The following PCDHA4 variants were observed in gnomAD, a reference collection of about 807,000 sequenced individuals.
PCDHA4 encodes protocadherin alpha 4.
PCDHA4 carries 49 observed loss-of-function variants against 61.4 expected under a neutral mutation model. That is an observed-to-expected ratio of 0.80 (90% CI 0.63 to 1.01). The LOEUF is 1.01. Among genes scored for constraint, PCDHA4 ranks in the 50% least tolerant of loss-of-function variants. The pLI is 0.00. For missense variants in PCDHA4, 1,254 were observed against 1,235.8 expected (o/e 1.01, Z -0.22); for synonymous variants, 590 against 550.3 (o/e 1.07, Z -1.01).
At chr5:140,962,564 G>A (rs1224952009) in intron 1 of PCDHA4, among the ~76,000 whole-genome samples, 2 of 152,124 alleles carry the variant, frequency 1.3e-5, no homozygotes, top group Non-Finnish European at 2.9e-5. Context: ...CCCCCTAAAA[G>A]CCAATTGTTA....
intron 1 of PCDHA4, among the ~76,000 whole-genome samples, chr5:140,919,151 G>A (rs1246862771): frequency 2.6e-5 from 4 of 152,122 alleles, no homozygotes; most frequent in African/African-American, 9.7e-5. Flanking sequence ...ATTATTAGAT[G>A]CAAGTATGTT....
chr5:140,880,327 T>C (rs2058305796), intron 1 of PCDHA4, among the ~76,000 whole-genome samples: 1 of 152,118 alleles, frequency 6.6e-6, no homozygotes, highest in African/African-American at 2.4e-5. Context: ...AATAAGATAC[T>C]AAAAATAAGA....
chr5:140,910,022 C>G (rs2074840302), intron 1 of PCDHA4, among the ~76,000 whole-genome samples: 1 of 152,174 alleles, frequency 6.6e-6, no homozygotes, highest in South Asian at 2.1e-4. Context: ...CCTTGTATCC[C>G]TGGGATAAAT....
intron 1 of PCDHA4, chr5:140,824,305 A>T: frequency 1.2e-6 from 1 of 813,464 alleles, no homozygotes. Context: ...TGCTGGGGTA[A>T]TAGATTCATC....
chr5:140,831,211 A>G lies in PCDHA4; in HGVS notation c.2385+21639A>G, dbSNP rs2150192455. 5.9e-5 allele frequency: 9 copies of G among 152,346 alleles called. No individual in the cohort carries two copies. In the South Asian group the frequency reaches 1.9e-3, roughly 32 times the overall value. The allele number at this position is 152,346 out of a possible 1,614,324, so 9.4% of individuals were successfully genotyped here. ...TTAGACCTTGTGATCAAGTAAATTT[A>G]TATGAAAACTGCATTCCTCTGGCAT... On this transcript the variant is annotated intron_variant, in intron 1 of 3. Transcript: ENST00000530339.
intron 1 of PCDHA4, chr5:140,871,578 G>A (rs1554165764): frequency 6.8e-7 from 1 of 1,474,340 alleles, no homozygotes; most frequent in Admixed American, 2.6e-5. Context: ...TTTTTTAAGG[G>A]AAAGTTTTAT....
chr5:140,946,766 G>A (rs1554217856), intron 1 of PCDHA4, among the ~76,000 whole-genome samples: 1 of 151,394 alleles, frequency 6.6e-6, no homozygotes, highest in South Asian at 2.1e-4. Flanking sequence ...TCTCATTCAT[G>A]TGGAATGTAA....
intron 1 of PCDHA4, chr5:140,871,083 C>A: frequency 1.1e-5 from 18 of 1,613,186 alleles, no homozygotes; most frequent in Non-Finnish European, 1.4e-5. Flanking sequence ...CGCTGACGGC[C>A]ACGGCCACCG....
At chr5:140,926,908 G>C (rs950305439) in intron 1 of PCDHA4, 2 of 1,560,316 alleles carry the variant, frequency 1.3e-6, no homozygotes, top group Admixed American at 1.8e-5. Flanking sequence ...GGGCTGTGGG[G>C]TGGCAGTTTT....
chr5:140,953,293 G>A (rs1410676265), intron 1 of PCDHA4, among the ~76,000 whole-genome samples: 3 of 152,084 alleles, frequency 2.0e-5, no homozygotes, highest in Admixed American at 2.0e-4. Context: ...GTGATTCAGG[G>A]ACGGCAGAGA....
chr5:140,927,257 C>T, intron 1 of PCDHA4: 1 of 1,614,152 alleles, frequency 6.2e-7, no homozygotes, highest in Non-Finnish European at 8.5e-7. Flanking sequence ...GACAACTCAC[C>T]TCTCTTTCCT....
At chr5:140,947,706 A>G (rs2153680894) in intron 1 of PCDHA4, among the ~76,000 whole-genome samples, 1 of 151,686 alleles carries the variant, frequency 6.6e-6, no homozygotes, top group East Asian at 1.9e-4. Context: ...AGTTTTAAGT[A>G]TTGAGGTTTC....
chr5:140,928,587 C>T, intron 1 of PCDHA4: 1 of 1,614,228 alleles, frequency 6.2e-7, no homozygotes. Flanking sequence ...ATGGTTCTGT[C>T]CCAGTGGAAA....
rs17844346 is a variant in PCDHA4 at position 140,857,813 on chromosome 5, G to T, written c.2385+48241G>T. On this transcript the variant is annotated intron_variant, in intron 1 of 3. Transcript: ENST00000530339. Reference sequence around the variant, plus strand: ...GCTGCGGTCGGTGGTTGCGGGTCACGTGGTGGCTAAGGTGCGCGCAGTGGA... The same window carrying T: ...GCTGCGGTCGGTGGTTGCGGGTCACTTGGTGGCTAAGGTGCGCGCAGTGGA... 43 of 1,597,700 alleles carry T rather than the reference G, an allele frequency of 2.7e-5. 5 individuals are homozygous for T. The highest frequency in any genetic ancestry group is 1.8e-4 in the East Asian group (8 of 44,836).
intron 1 of PCDHA4, among the ~76,000 whole-genome samples, chr5:140,893,581 T>C (rs1224207477): frequency 1.3e-5 from 2 of 152,216 alleles, no homozygotes; most frequent in African/African-American, 4.8e-5. Context: ...TTTTTGCTTG[T>C]TTGGGAAATA....
chr5:140,883,841 C>T (rs2059844881), intron 1 of PCDHA4: 1 of 1,612,742 alleles, frequency 6.2e-7, no homozygotes, highest in Non-Finnish European at 8.5e-7. Context: ...GCCGTTGGAC[C>T]ACGAGGAGCT....
At chr5:140,837,628 CCTTCCTTT>C (rs1289092091) in intron 1 of PCDHA4, among the ~76,000 whole-genome samples, 3 of 149,330 alleles carry the variant, frequency 2.0e-5, no homozygotes, top group African/African-American at 7.7e-5. Context: ...TTCCTTCCTT[CCTTCCTTT>C]CTTTCTTTCT....
At chr5:140,856,225 G>A (rs1554148421) in intron 1 of PCDHA4, 1 of 1,598,066 alleles carries the variant, frequency 6.3e-7, no homozygotes, top group Non-Finnish European at 8.6e-7. Context: ...CGGAGCTGGT[G>A]CAGCGCCTGT....
At chr5:140,811,570 G>T (rs868972680) in intron 1 of PCDHA4, 1 of 152,136 alleles carries the variant, frequency 6.6e-6, no homozygotes, top group African/African-American at 2.4e-5. Context: ...TTGAGGAATC[G>T]CCACACTGTC....
Sources: gnomAD v4.1 joint callset for allele counts (sites outside exome capture counted in the v4.1 genomes callset) on GRCh38, gnomAD v4.1.1 for gene constraint, MANE v1.5 for transcripts, NCBI Gene and HGNC (gene_info 2026-07-23, HGNC 2026-07-21) for gene names.